PPARGC1A: variants seen among roughly 807,000 people sequenced by gnomAD.
PPARGC1A encodes the protein peroxisome proliferator-activated receptor gamma coactivator 1-alpha.
Under a neutral mutation model 88.7 loss-of-function variants are expected in PPARGC1A, and 25 were observed. The observed-to-expected ratio is 0.28, with a 90% CI of 0.21 to 0.39. PPARGC1A has a LOEUF of 0.39. Ranked by LOEUF, PPARGC1A falls within the 10% of genes least tolerant of loss-of-function variation. The pLI, the probability that PPARGC1A is intolerant of heterozygous loss-of-function variation, is 1.00. For missense variants in PPARGC1A, 880 were observed against 968.7 expected (o/e 0.91, Z 1.22); for synonymous variants, 363 against 355.6 (o/e 1.02, Z -0.24).
the PPARGC1A span, among the ~76,000 whole-genome samples, chr4:24,107,321 T>C: frequency 6.6e-6 from 1 of 152,184 alleles, no homozygotes; most frequent in South Asian, 2.1e-4. Flanking sequence ...ATGAACCGAG[T>C]TGTGAGTTGG....
chr4:23,974,799 ATTTTTTTTTTTTTT>A, the PPARGC1A span, among the ~76,000 whole-genome samples: 6 of 61,120 alleles, frequency 9.8e-5, no homozygotes, highest in Admixed American at 3.3e-4. Context: ...GGCCCGGCTA[ATTTTTTTTTTTTTT>A]TTTTTTTTTT....
At chr4:23,860,102 T>C (rs1730972109) in intron 2 of PPARGC1A, among the ~76,000 whole-genome samples, 1 of 151,910 alleles carries the variant, frequency 6.6e-6, no homozygotes, top group South Asian at 2.1e-4. Flanking sequence ...TAAGACCTTG[T>C]CTTTACAAAA....
At chr4:24,424,500 C>T in the PPARGC1A span, among the ~76,000 whole-genome samples, 88 of 152,124 alleles carry the variant, frequency 5.8e-4, no homozygotes, top group South Asian at 1.9e-3. Context: ...TGGCCTCGAT[C>T]TCCTGACCTC....
chr4:23,994,443 A>C, the PPARGC1A span, among the ~76,000 whole-genome samples: 6 of 152,286 alleles, frequency 3.9e-5, no homozygotes, highest in African/African-American at 1.4e-4. Context: ...CAATCTTCCC[A>C]CTAATAAAAT....
chr4:24,439,973 C>T, the PPARGC1A span, among the ~76,000 whole-genome samples: 1 of 152,208 alleles, frequency 6.6e-6, no homozygotes, highest in Non-Finnish European at 1.5e-5. Flanking sequence ...AATTTCTCTC[C>T]TCATTATTCA....
chr4:24,398,576 CTT>C, the PPARGC1A span, among the ~76,000 whole-genome samples: 4 of 152,302 alleles, frequency 2.6e-5, no homozygotes, highest in African/African-American at 9.6e-5. Flanking sequence ...ACCATGTCCT[CTT>C]TTCTGTAGCA....
chr4:24,031,357 C>T, the PPARGC1A span, among the ~76,000 whole-genome samples: 1 of 152,176 alleles, frequency 6.6e-6, no homozygotes, highest in Non-Finnish European at 1.5e-5. Context: ...TTTCTTCTGT[C>T]ACATGACACC....
the PPARGC1A span, among the ~76,000 whole-genome samples, chr4:24,025,491 G>C: frequency 6.6e-6 from 1 of 151,904 alleles, no homozygotes; most frequent in South Asian, 2.1e-4. Flanking sequence ...CCCTCCCCAA[G>C]AATCACAGAT....
chr4:24,105,481 T>G, the PPARGC1A span, among the ~76,000 whole-genome samples: 1 of 152,190 alleles, frequency 6.6e-6, no homozygotes, highest in Non-Finnish European at 1.5e-5. Flanking sequence ...TCAATGTTTA[T>G]GAAATAGTCC....
the PPARGC1A span, among the ~76,000 whole-genome samples, chr4:24,088,992 A>G: frequency 6.6e-6 from 1 of 152,182 alleles, no homozygotes; most frequent in African/African-American, 2.4e-5. Flanking sequence ...GACTTCTGAC[A>G]AGGATTGAAA....
chr4:24,049,151 TGA>T, the PPARGC1A span, among the ~76,000 whole-genome samples: 1 of 150,332 alleles, frequency 6.7e-6, no homozygotes, highest in Non-Finnish European at 1.5e-5. Context: ...TGTGTGTGTG[TGA>T]GTGTGTGTAA....
the PPARGC1A span, among the ~76,000 whole-genome samples, chr4:24,252,194 T>C: frequency 6.6e-6 from 1 of 152,306 alleles, no homozygotes; most frequent in African/African-American, 2.4e-5. Context: ...ATGGTAATGT[T>C]CTATGATGTA....
chr4:24,349,632 C>T, the PPARGC1A span, among the ~76,000 whole-genome samples: 1 of 152,066 alleles, frequency 6.6e-6, no homozygotes, highest in Non-Finnish European at 1.5e-5. Context: ...AACTGAAGGG[C>T]CAGTCTCACT....
chr4:23,812,733 T>A lies in PPARGC1A; in HGVS notation c.2019+14A>T, dbSNP rs775731609. ...ACCCTACTTTAAAATAAAAGTGAGC[T>A]CCAGGCCACTTACAATTGCCTTCTG... On this transcript the variant is annotated intron_variant, in intron 10 of 12. Transcript: ENST00000264867. 1.2e-6 allele frequency: 2 copies of A among 1,613,836 alleles called. No individual in the cohort carries two copies. The highest frequency in any genetic ancestry group is 1.7e-5 in the Admixed American group (1 of 60,014).
chr4:24,132,944 A>T, the PPARGC1A span, among the ~76,000 whole-genome samples: 9 of 152,184 alleles, frequency 5.9e-5, no homozygotes, highest in African/African-American at 2.2e-4. Context: ...GGTACATGGT[A>T]AACAGATGCT....
At chr4:24,000,446 G>A in the PPARGC1A span, among the ~76,000 whole-genome samples, 1 of 151,872 alleles carries the variant, frequency 6.6e-6, no homozygotes, top group Admixed American at 6.6e-5. Context: ...TGCTTAAATA[G>A]CACATAATGG....
the PPARGC1A span, among the ~76,000 whole-genome samples, chr4:24,437,332 G>A: frequency 6.6e-6 from 1 of 152,164 alleles, no homozygotes; most frequent in East Asian, 1.9e-4. Flanking sequence ...TAGCTGGGGT[G>A]GTCAGGGAGG....
chr4:24,172,576 G>A, the PPARGC1A span, among the ~76,000 whole-genome samples: 1 of 152,166 alleles, frequency 6.6e-6, no homozygotes, highest in South Asian at 2.1e-4. Flanking sequence ...TCTCCCTTCA[G>A]GATTCCAAGA....
chr4:24,389,087 C>T, the PPARGC1A span, among the ~76,000 whole-genome samples: 7 of 152,038 alleles, frequency 4.6e-5, no homozygotes, highest in African/African-American at 7.2e-5. Flanking sequence ...AGTTTCCCTG[C>T]ATTTTTAGTT....
Sources: allele counts gnomAD v4.1 joint callset (sites outside exome capture counted in the v4.1 genomes callset), GRCh38; gene constraint gnomAD v4.1.1; transcripts MANE v1.5; gene names NCBI Gene and HGNC (gene_info 2026-07-23, HGNC 2026-07-21).